The following SEMA6D variants were observed in gnomAD, a reference collection of about 807,000 sequenced individuals.
SEMA6D encodes the protein semaphorin-6D.
SEMA6D carries 35 observed loss-of-function variants against 106.6 expected under a neutral mutation model. The ratio of observed to expected loss-of-function variants is 0.33; its 90% CI spans 0.25 to 0.44. The LOEUF is 0.44. Among genes scored for constraint, SEMA6D ranks in the 20% least tolerant of loss-of-function variants. The pLI is 1.00. For synonymous variants in SEMA6D, 499 were observed against 487.7 expected (o/e 1.02, Z -0.31); for missense variants, 1,185 against 1,345.9 (o/e 0.88, Z 1.87).
intron 4 of SEMA6D, among the ~76,000 whole-genome samples, chr15:47,615,538 T>G (rs2144024011): frequency 6.6e-6 from 1 of 152,330 alleles, no homozygotes; most frequent in South Asian, 2.1e-4. Flanking sequence ...TTCTTGTGTT[T>G]ATTTTGCAAA....
intron 4 of SEMA6D, among the ~76,000 whole-genome samples, chr15:47,680,901 A>G (rs908074988): frequency 4.6e-5 from 7 of 152,208 alleles, no homozygotes; most frequent in African/African-American, 1.7e-4. Context: ...ATCACCTCAC[A>G]TATTAGGACA....
At chr15:47,492,795 G>A (rs186179961) in intron 3 of SEMA6D, among the ~76,000 whole-genome samples, 28 of 152,234 alleles carry the variant, frequency 1.8e-4, no homozygotes, top group East Asian at 1.7e-3. Flanking sequence ...AAGCAGCACA[G>A]TATTACAATA....
intron 1 of SEMA6D, among the ~76,000 whole-genome samples, chr15:47,190,837 A>G (rs1022783649): frequency 6.6e-6 from 1 of 152,184 alleles, no homozygotes; most frequent in Admixed American, 6.5e-5. Context: ...GTTAAAAAGA[A>G]ACTCTCTTTT....
chr15:47,609,502 C>A (rs1180899208), intron 4 of SEMA6D, among the ~76,000 whole-genome samples: 1 of 152,050 alleles, frequency 6.6e-6, no homozygotes, highest in Non-Finnish European at 1.5e-5. Flanking sequence ...CTTAAGCTGC[C>A]CCTAAATTGA....
chr15:47,627,574 T>C (rs1348903006), intron 4 of SEMA6D, among the ~76,000 whole-genome samples: 1 of 152,204 alleles, frequency 6.6e-6, no homozygotes, highest in East Asian at 1.9e-4. Flanking sequence ...AAGTGCTAAA[T>C]GTATAATAAG....
chr15:47,193,652 A>G (rs995873179), intron 1 of SEMA6D, among the ~76,000 whole-genome samples: 1 of 152,094 alleles, frequency 6.6e-6, no homozygotes, highest in Non-Finnish European at 1.5e-5. Flanking sequence ...ATTTCTATGA[A>G]AAACAAAAAC....
chr15:47,331,840 A>T (rs2037355377), intron 1 of SEMA6D, among the ~76,000 whole-genome samples: 1 of 152,202 alleles, frequency 6.6e-6, no homozygotes, highest in Admixed American at 6.5e-5. Flanking sequence ...ATAGAAAAAC[A>T]TGCAAACAGC....
At position 47,657,719 on chromosome 15, in the gene SEMA6D, C is replaced by CTTTTTTTTTTTTTTT. The variant is rs71118191; in HGVS notation, c.-55+56849_-55+56863dup. On this transcript the variant is annotated intron_variant, in intron 4 of 19. Coordinates refer to the SEMA6D transcript ENST00000558014. ...CATTTAGTGACAGAGGGCTTCATTTCTTTTTTTTTTTTTTTTTTTTTTTTT... is the reference window on the plus strand; with the variant it reads ...CATTTAGTGACAGAGGGCTTCATTTCTTTTTTTTTTTTTTTTTTTTTTTTTTTTTTTTTTTTTTTT... 3.7e-4 allele frequency among the ~76,000 whole-genome samples: 20 copies of CTTTTTTTTTTTTTTT among 54,676 alleles called. 6 individuals are homozygous for CTTTTTTTTTTTTTTT. The highest frequency in any genetic ancestry group is 5.1e-4 in the African/African-American group (6 of 11,746). 35.9% of individuals were successfully genotyped at this position (54,676 alleles called of 152,430 possible). A position where few individuals can be genotyped will look rare whatever the true frequency, so the allele number is the denominator to read the frequency against.
intron 4 of SEMA6D, among the ~76,000 whole-genome samples, chr15:47,629,259 G>T (rs368749611): frequency 6.6e-6 from 1 of 151,948 alleles, no homozygotes; most frequent in African/African-American, 2.4e-5. Context: ...CTAGGCTAAG[G>T]CTTGTGCATT....
At chr15:47,296,796 C>T (rs996782696) in intron 1 of SEMA6D, among the ~76,000 whole-genome samples, 1 of 152,144 alleles carries the variant, frequency 6.6e-6, no homozygotes, top group Non-Finnish European at 1.5e-5. Context: ...GTTTGAGGAA[C>T]ATTTTCCATA....
intron 1 of SEMA6D, among the ~76,000 whole-genome samples, chr15:47,404,621 C>G (rs1017453094): frequency 8.5e-5 from 13 of 152,100 alleles, no homozygotes; most frequent in African/African-American, 2.2e-4. Flanking sequence ...CAGGGATGGG[C>G]TTTAAGAGAA....
At chr15:47,322,764 G>T (rs2036972190) in intron 1 of SEMA6D, among the ~76,000 whole-genome samples, 1 of 152,082 alleles carries the variant, frequency 6.6e-6, no homozygotes, top group South Asian at 2.1e-4. Context: ...AGTGTTAATT[G>T]GTGGATGTTG....
intron 2 of SEMA6D, among the ~76,000 whole-genome samples, chr15:47,461,705 T>C (rs2042517203): frequency 6.6e-6 from 1 of 152,074 alleles, no homozygotes; most frequent in Admixed American, 6.6e-5. Context: ...CTATTTGGAA[T>C]GGAAAATCTA....
chr15:47,281,715 T>G (rs886964169), intron 1 of SEMA6D, among the ~76,000 whole-genome samples: 1 of 152,264 alleles, frequency 6.6e-6, no homozygotes, highest in Non-Finnish European at 1.5e-5. Context: ...CAGTATAATG[T>G]TAACATAAAT....
At chr15:47,239,203 A>T (rs2032749741) in intron 1 of SEMA6D, among the ~76,000 whole-genome samples, 2 of 152,166 alleles carry the variant, frequency 1.3e-5, no homozygotes, top group African/African-American at 4.8e-5. Context: ...GCTCCTTATG[A>T]CAATCTAATG....
chr15:47,283,601 A>G (rs961772473), intron 1 of SEMA6D, among the ~76,000 whole-genome samples: 2 of 152,214 alleles, frequency 1.3e-5, no homozygotes, highest in Admixed American at 6.5e-5. Flanking sequence ...GACTTCAGAA[A>G]GAGAGCCAGG....
chr15:47,489,144 G>C (rs2043386568), intron 3 of SEMA6D, among the ~76,000 whole-genome samples: 1 of 152,158 alleles, frequency 6.6e-6, no homozygotes, highest in Admixed American at 6.5e-5. Context: ...GAGACAGCCA[G>C]AGAAGAAGGC....
At chr15:47,556,236 C>T (rs772805151) in intron 3 of SEMA6D, among the ~76,000 whole-genome samples, 4 of 152,056 alleles carry the variant, frequency 2.6e-5, no homozygotes, top group African/African-American at 4.8e-5. Flanking sequence ...AAAATTATCC[C>T]GCAATCCCAC....
intron 3 of SEMA6D, among the ~76,000 whole-genome samples, chr15:47,534,040 A>C (rs914308973): frequency 2.6e-5 from 4 of 152,220 alleles, no homozygotes; most frequent in African/African-American, 4.8e-5. Context: ...CACATATGAA[A>C]TCAACCCAGA....
Sources: gnomAD v4.1 joint callset for allele counts (sites outside exome capture counted in the v4.1 genomes callset) on GRCh38, gnomAD v4.1.1 for gene constraint, MANE v1.5 for transcripts, NCBI Gene and HGNC (gene_info 2026-07-23, HGNC 2026-07-21) for gene names.